Variants in ZNF721 observed in about 807,000 individuals in gnomAD.
ZNF721 encodes zinc finger protein 721.
Under a neutral mutation model 2.4 loss-of-function variants are expected in ZNF721, and 2 were observed. The observed-to-expected ratio is 0.82, with a 90% CI of 0.34 to 2.58. The LOEUF is 2.58. ZNF721 is among the 30% of genes most tolerant of loss of function. ZNF721 has a pLI of 0.11. For missense variants in ZNF721, 1,187 were observed against 1,085.5 expected (o/e 1.09, Z -1.31); for synonymous variants, 398 against 381.8 (o/e 1.04, Z -0.50).
intron 1 of ZNF721, among the ~76,000 whole-genome samples, chr4:483,499 C>A (rs550665940): frequency 4.3e-4 from 65 of 151,934 alleles, no homozygotes; most frequent in Admixed American, 1.2e-3. Flanking sequence ...TTGCAGTGAG[C>A]CAAGATCGCG....
rs189871092 is a variant in ZNF721 at position 493,124 on chromosome 4, T to C, written c.-94+5932A>G. Among the ~76,000 whole-genome samples, 25 of 146,636 alleles carry C rather than the reference T, an allele frequency of 1.7e-4. 1 individual carries two copies. The East Asian group carries it at 4.4e-3, about 26-fold the overall frequency. ...TTATTTATGATAACTGTGGTAGTCATAATTTAAAGTTGTGAAACCGCCATT... is the reference window on the plus strand; with the variant it reads ...TTATTTATGATAACTGTGGTAGTCACAATTTAAAGTTGTGAAACCGCCATT... On this transcript the variant is annotated intron_variant, in intron 1 of 2. Coordinates refer to ENST00000511833, the MANE Select transcript of ZNF721 (RefSeq NM_133474.4).
intron 2 of ZNF721, among the ~76,000 whole-genome samples, chr4:452,995 G>C (rs1028127459): frequency 1.3e-5 from 2 of 152,176 alleles, no homozygotes; most frequent in Admixed American, 6.5e-5. Flanking sequence ...GAAAACCACT[G>C]AGCAAGCCCT....
At chr4:453,814 A>G (rs1553865103) in intron 2 of ZNF721, 1 of 152,254 alleles carries the variant, frequency 6.6e-6, no homozygotes. Context: ...TGAACTTCCT[A>G]TGACCAAACC....
rs1313862774 is a variant in ZNF721 at position 444,168 on chromosome 4, T to G, written c.299A>C (p.Lys100Thr). ...GTGTTTCTCTCCAGTATGTCTTGTCTTATCTTTGTTTGAATTTGCAAATTT... is the reference window on the plus strand; with the variant it reads ...GTGTTTCTCTCCAGTATGTCTTGTCGTATCTTTGTTTGAATTTGCAAATTT... The part of the protein sequence containing the change: ...FSKFANSNKD[K>T]TRHTGEKHFK... Residue 100 changes from lysine to threonine, a missense_variant, in exon 3 of 3, where the codon AAG (lysine) becomes ACG (threonine). By Grantham distance (78) the Lys-to-Thr change is moderately conservative. Transcript: ENST00000511833. The G allele has an allele frequency of 1.9e-6, 3 of 1,613,924 alleles. No individual in the cohort carries two copies. Among genetic ancestry groups the G allele is most frequent in the East Asian group, 4.5e-5 (2 of 44,890 alleles).
rs1715468246 is a variant in ZNF721 at position 472,555 on chromosome 4, T to C, written c.34+20A>G. On this transcript the variant is annotated intron_variant, in intron 2 of 2. Transcript: ENST00000511833. ...AACTCAGAGGGAGTATTAGGAATTA[T>C]GCATTAAAGTTATCCTCACCTAGGG... 2.5e-6 allele frequency: 4 copies of C among 1,590,562 alleles called. No individual in the cohort carries two copies. The highest frequency in any genetic ancestry group is 2.6e-6 in the Non-Finnish European group (3 of 1,173,540).
intron 1 of ZNF721, among the ~76,000 whole-genome samples, chr4:479,514 T>A (rs1715720266): frequency 6.6e-6 from 1 of 152,202 alleles, no homozygotes; most frequent in Non-Finnish European, 1.5e-5. Flanking sequence ...GAAGCAAAGC[T>A]ATGTGCCTCC....
At chr4:490,953 CAA>C (rs782176446) in intron 1 of ZNF721, among the ~76,000 whole-genome samples, 13 of 119,378 alleles carry the variant, frequency 1.1e-4, no homozygotes, top group African/African-American at 9.3e-5. Context: ...GACTACATCT[CAA>C]AAAAAAAAAA....
chr4:458,769 C>G (rs1280828438), intron 2 of ZNF721, among the ~76,000 whole-genome samples: 1 of 152,074 alleles, frequency 6.6e-6, no homozygotes. Flanking sequence ...TCGCTGGAAC[C>G]CAGGGGGCAG....
intron 2 of ZNF721, among the ~76,000 whole-genome samples, chr4:466,358 A>G (rs1553866770): frequency 6.6e-6 from 1 of 152,164 alleles, no homozygotes; most frequent in African/African-American, 2.4e-5. Flanking sequence ...TTTTTGGAAA[A>G]TTTAAGAAAT....
intron 2 of ZNF721, among the ~76,000 whole-genome samples, chr4:447,535 G>T (rs1205370701): frequency 6.6e-6 from 1 of 151,902 alleles, no homozygotes; most frequent in Non-Finnish European, 1.5e-5. Context: ...TCAATAAAAC[G>T]TGTAAGTCTA....
At chr4:478,047 A>T (rs1055921681) in intron 1 of ZNF721, among the ~76,000 whole-genome samples, 4 of 152,228 alleles carry the variant, frequency 2.6e-5, no homozygotes, top group African/African-American at 7.2e-5. Context: ...AAATTTTTTT[A>T]AAATGCAAGA....
chr4:443,267 A>G lies in ZNF721; in HGVS notation c.1200T>C (p.Ser400=), dbSNP rs1553863598. ...TCTTATGTGCAGTAAGGTTTGTTGAACTATTAAAGGCTTTGCCACACTCTT... is the reference window on the plus strand; with the variant it reads ...TCTTATGTGCAGTAAGGTTTGTTGAGCTATTAAAGGCTTTGCCACACTCTT... ...KCEECGKAFN[S]STNLTAHKRI... Residue 400 remains serine, a synonymous_variant, in exon 3 of 3, where the codon AGT becomes AGC. Coordinates refer to ENST00000511833, the MANE Select transcript of ZNF721 (RefSeq NM_133474.4). The G allele has an allele frequency of 6.2e-7, 1 of 1,612,018 alleles. No individual in the cohort carries two copies. The highest frequency in any genetic ancestry group is 2.2e-5 in the East Asian group (1 of 44,726).
chr4:460,395 A>G (rs1486608826), intron 2 of ZNF721, among the ~76,000 whole-genome samples: 4 of 152,212 alleles, frequency 2.6e-5, no homozygotes, highest in Non-Finnish European at 5.9e-5. Context: ...CAATGAGAAC[A>G]AAGACACAAC....
At chr4:461,100 T>G (rs1402751899) in intron 2 of ZNF721, among the ~76,000 whole-genome samples, 1 of 152,204 alleles carries the variant, frequency 6.6e-6, no homozygotes, top group African/African-American at 2.4e-5. Flanking sequence ...ACTCATTTTA[T>G]GAGGCCAGCA....
Position 451,254 on chromosome 4 carries a change from T to C in ZNF721, c.35-6822A>G, listed in dbSNP as rs188594450. ...AATGGTCACCAAGTTCCCAAACAGGTTGTGTGAGCCCCTTGACGTCTTCAG... is the reference window on the plus strand; with the variant it reads ...AATGGTCACCAAGTTCCCAAACAGGCTGTGTGAGCCCCTTGACGTCTTCAG... On this transcript the variant is annotated intron_variant, in intron 2 of 2. Coordinates refer to ENST00000511833, the MANE Select transcript of ZNF721 (RefSeq NM_133474.4). Among the ~76,000 whole-genome samples the C allele has an allele frequency of 2.1e-3, 316 of 152,146 alleles. 2 individuals are homozygous for C. The highest frequency in any genetic ancestry group is 7.2e-3 in the African/African-American group (297 of 41,502).
chr4:468,858 C>T (rs1460616614), intron 2 of ZNF721, among the ~76,000 whole-genome samples: 3 of 152,204 alleles, frequency 2.0e-5, no homozygotes, highest in Non-Finnish European at 4.4e-5. Flanking sequence ...GATCTGCAAG[C>T]ATGCCTCCAG....
At chr4:478,607 A>T (rs77878422) in intron 1 of ZNF721, among the ~76,000 whole-genome samples, 2,702 of 152,282 alleles carry the variant, frequency 0.018, 71 homozygotes, top group African/African-American at 0.06. Flanking sequence ...ATTCCATTTT[A>T]AAAATCCATT....
chr4:441,594 A>G lies in ZNF721; in HGVS notation c.*101T>C, dbSNP rs977361272. On this transcript the variant is annotated 3_prime_UTR_variant, in exon 3 of 3. Transcript: ENST00000511833. ...GATTAGAAAGGATTGAGGAGCATTT[A>G]AAGACCGCGACATTCGTCACCTTCG... 36 of 998,926 alleles carry G rather than the reference A, an allele frequency of 3.6e-5. No individual in the cohort carries two copies. In the African/African-American group the frequency reaches 5.1e-4, roughly 14 times the overall value. The allele number at this position is 998,926 out of a possible 1,614,324, so 61.9% of individuals were successfully genotyped here. A position where few individuals can be genotyped will look rare whatever the true frequency, so the allele number is the denominator to read the frequency against.
intron 2 of ZNF721, 27 bp from the exon 3 acceptor site, chr4:444,459 T>C (rs2108689129): frequency 2.0e-6 from 3 of 1,534,130 alleles, no homozygotes; most frequent in East Asian, 4.5e-5. Context: ...TAACAAATTA[T>C]CCCAGTTACT....
Sources: gnomAD v4.1 joint callset for allele counts (sites outside exome capture counted in the v4.1 genomes callset) on GRCh38, gnomAD v4.1.1 for gene constraint, MANE v1.5 for transcripts, NCBI Gene and HGNC (gene_info 2026-07-23, HGNC 2026-07-21) for gene names.